COL19A1: variants seen among roughly 807,000 people sequenced by gnomAD.
The protein encoded by COL19A1 is collagen alpha-1(XIX) chain.
A neutral mutation model predicts 190.2 loss-of-function variants in COL19A1; 159 were observed. The observed-to-expected ratio is 0.84, with a 90% CI of 0.73 to 0.95. COL19A1 has a LOEUF of 0.95. Among genes scored for constraint, COL19A1 ranks in the 40% least tolerant of loss-of-function variants. COL19A1 has a pLI of 0.00. For missense variants in COL19A1, 1,418 were observed against 1,431.9 expected (o/e 0.99, Z 0.16); for synonymous variants, 509 against 458.9 (o/e 1.11, Z -1.39).
chr6:70,023,212 C>A (rs1778521338), intron 11 of COL19A1, among the ~76,000 whole-genome samples: 2 of 150,018 alleles, frequency 1.3e-5, no homozygotes, highest in Admixed American at 1.3e-4. Context: ...TGGCTCACTG[C>A]AACCTCCGCC....
intron 11 of COL19A1, among the ~76,000 whole-genome samples, chr6:70,021,995 G>A (rs1778441298): frequency 6.6e-6 from 1 of 152,036 alleles, no homozygotes; most frequent in African/African-American, 2.4e-5. Flanking sequence ...TTATGTCCCA[G>A]TGATTACGTT....
chr6:70,100,660 T>A (rs1323257651), intron 15 of COL19A1, among the ~76,000 whole-genome samples: 2 of 151,482 alleles, frequency 1.3e-5, no homozygotes, highest in African/African-American at 2.4e-5. Flanking sequence ...GCCTGGCTAA[T>A]TTTTTTTGTA....
intron 36 of COL19A1, among the ~76,000 whole-genome samples, chr6:70,163,705 C>A (rs1562235061): frequency 6.6e-6 from 1 of 152,148 alleles, no homozygotes; most frequent in Non-Finnish European, 1.5e-5. Flanking sequence ...TGGAAGGATG[C>A]AAGTAATGTG....
chr6:70,163,136 A>T (rs1302422654), intron 35 of COL19A1, among the ~76,000 whole-genome samples: 1 of 152,208 alleles, frequency 6.6e-6, no homozygotes, highest in Non-Finnish European at 1.5e-5. Context: ...AAGGTGAAAA[A>T]GCGACCACAA....
At chr6:69,897,487 A>C (rs73749321) in intron 2 of COL19A1, among the ~76,000 whole-genome samples, 114 of 142,626 alleles carry the variant, frequency 8.0e-4, no homozygotes, top group South Asian at 1.8e-3. Flanking sequence ...ACACACACAC[A>C]CCCCATACTG....
At chr6:69,988,833 A>T (rs192811303) in intron 11 of COL19A1, among the ~76,000 whole-genome samples, 15 of 152,296 alleles carry the variant, frequency 9.8e-5, no homozygotes, top group African/African-American at 1.2e-4. Flanking sequence ...CCTGTTAGAC[A>T]TCTCCTCCTG....
chr6:70,207,938 T>C lies in COL19A1; in HGVS notation c.*664T>C, dbSNP rs1324251192. On this transcript the variant is annotated 3_prime_UTR_variant, in exon 51 of 51. Transcript: ENST00000620364. ...TAGCCAACTACTGAAATGATTTTGT[T>C]AATTCTGTATAATGAGCTCAATTCA... 1.3e-5 allele frequency: 2 copies of C among 152,180 alleles called. No individual in the cohort carries two copies. Among genetic ancestry groups the C allele is most frequent in the Non-Finnish European group, 2.9e-5 (2 of 68,032 alleles). The allele number at this position is 152,180 out of a possible 1,614,324, so 9.4% of individuals were successfully genotyped here. A position where few individuals can be genotyped will look rare whatever the true frequency, so the allele number is the denominator to read the frequency against.
chr6:69,958,261 G>A (rs920392216), intron 9 of COL19A1, among the ~76,000 whole-genome samples: 1 of 152,124 alleles, frequency 6.6e-6, no homozygotes, highest in Admixed American at 6.6e-5. Context: ...TTTTGGCAGT[G>A]TATACCGTAT....
At chr6:70,123,533 C>A (rs1785009969) in intron 17 of COL19A1, among the ~76,000 whole-genome samples, 1 of 137,604 alleles carries the variant, frequency 7.3e-6, no homozygotes. Flanking sequence ...GCATTATTCA[C>A]AATAGCAAAG....
chr6:70,119,911 C>T (rs547103418), intron 16 of COL19A1, among the ~76,000 whole-genome samples: 18 of 152,138 alleles, frequency 1.2e-4, no homozygotes, highest in South Asian at 4.2e-4. Flanking sequence ...GCCAACATGG[C>T]GAAACCCTAC....
chr6:69,895,300 A>T lies in COL19A1; in HGVS notation c.92-3648A>T, dbSNP rs1040547476. On this transcript the variant is annotated intron_variant, in intron 2 of 50. Coordinates refer to ENST00000620364, the MANE Select transcript of COL19A1 (RefSeq NM_001858.6). ...TGGGGTGGTTTCCCATAAGCTCAGA[A>T]GTCCAAGGACGAAAAGGCTTAGAAA... is the stretch of plus-strand genomic sequence containing the variant. 2.6e-5 allele frequency among the ~76,000 whole-genome samples: 4 copies of T among 152,378 alleles called. No homozygotes were observed. The East Asian group carries it at 7.7e-4, about 29-fold the overall frequency.
In COL19A1 at chr6:70,121,958, T is replaced by C. The variant is rs1562194660; in HGVS notation, c.1341+16T>C. ...GGATAACAAGGTATGGCTTCTTTTT[T>C]CCCATAATTTATAATACATAGAAAT... On this transcript the variant is annotated intron_variant, in intron 17 of 50. Transcript: ENST00000620364. The C allele has an allele frequency of 4.0e-6, 6 of 1,507,078 alleles. No homozygotes were observed. Among genetic ancestry groups the C allele is most frequent in the African/African-American group, 1.4e-5 (1 of 70,878 alleles). The allele number at this position is 1,507,078 out of a possible 1,614,324, so 93.4% of individuals were successfully genotyped here. A position where few individuals can be genotyped will look rare whatever the true frequency, so the allele number is the denominator to read the frequency against.
intron 42 of COL19A1, among the ~76,000 whole-genome samples, chr6:70,177,944 A>T (rs1205794408): frequency 6.6e-6 from 1 of 152,250 alleles, no homozygotes; most frequent in Non-Finnish European, 1.5e-5. Context: ...AAGATGTGCA[A>T]CAGTGGCCAC....
chr6:70,183,068 T>TTGGAAGAGACAGGAAAATGTG (rs368982951), intron 44 of COL19A1, among the ~76,000 whole-genome samples: 37 of 152,114 alleles, frequency 2.4e-4, no homozygotes, highest in African/African-American at 8.2e-4. Context: ...ATGCTGAAGT[T>TTGGAAGAGACAGGAAAATGTG]TGGAAGAGAC....
intron 14 of COL19A1, among the ~76,000 whole-genome samples, chr6:70,046,280 T>C (rs1439806710): frequency 6.6e-6 from 1 of 152,122 alleles, no homozygotes; most frequent in Non-Finnish European, 1.5e-5. Context: ...TCTCCCTCCT[T>C]CTCCCCTTGC....
chr6:70,063,824 T>C (rs1449612043), intron 14 of COL19A1, among the ~76,000 whole-genome samples: 2 of 152,080 alleles, frequency 1.3e-5, no homozygotes, highest in Non-Finnish European at 2.9e-5. Context: ...AAATACAAAC[T>C]ACCATAAGAG....
chr6:70,077,396 T>A (rs900051916), intron 15 of COL19A1, among the ~76,000 whole-genome samples: 2 of 152,214 alleles, frequency 1.3e-5, no homozygotes, highest in African/African-American at 4.8e-5. Flanking sequence ...GCTCTTGAAT[T>A]CTTCAGAAAT....
At chr6:70,067,619 C>T (rs1781320559) in intron 14 of COL19A1, among the ~76,000 whole-genome samples, 2 of 151,758 alleles carry the variant, frequency 1.3e-5, no homozygotes, top group South Asian at 4.2e-4. Flanking sequence ...TCTAGAGAAT[C>T]CAAAGCCCAC....
chr6:70,085,850 T>C (rs1460568340), intron 15 of COL19A1, among the ~76,000 whole-genome samples: 1 of 152,186 alleles, frequency 6.6e-6, no homozygotes, highest in Non-Finnish European at 1.5e-5. Context: ...AAAATTGTTA[T>C]TGTGCTATTA....
Sources: allele counts gnomAD v4.1 joint callset (sites outside exome capture counted in the v4.1 genomes callset), GRCh38; gene constraint gnomAD v4.1.1; transcripts MANE v1.5; gene names NCBI Gene and HGNC (gene_info 2026-07-23, HGNC 2026-07-21).